Variants in PTPRD observed in about 807,000 individuals in gnomAD.
PTPRD encodes the protein receptor-type tyrosine-protein phosphatase delta.
PTPRD carries 34 observed loss-of-function variants against 214.5 expected under a neutral mutation model. The observed-to-expected ratio is 0.16, with a 90% CI of 0.12 to 0.21. PTPRD has a LOEUF of 0.21. Ranked by LOEUF, PTPRD falls within the 10% of genes least tolerant of loss-of-function variation. The pLI is 1.00. For synonymous variants in PTPRD, 1,128 were observed against 845.7 expected, an observed-to-expected ratio of 1.33 and a Z score of -5.79; for missense variants, 2,545 against 2,398.7, an observed-to-expected ratio of 1.06 and a Z score of -1.27.
chr9:8,674,456 C>CAAAA (rs57588808), intron 12 of PTPRD, among the ~76,000 whole-genome samples: 3 of 62,332 alleles, frequency 4.8e-5, no homozygotes, highest in African/African-American at 6.5e-5. Flanking sequence ...GACGCTGTCT[C>CAAAA]AAAAAAAAAA....
Position 10,299,915 on chromosome 9 carries a change from G to A in PTPRD, c.-545+41048C>T, listed in dbSNP as rs1221525798. ...CACAATCAAATATTGCCAGCCCAGT[G>A]TCATTGCTCTCATATAGAAAACTTG... On this transcript the variant is annotated intron_variant, in intron 3 of 45. Coordinates refer to ENST00000381196, the MANE Select transcript of PTPRD (RefSeq NM_002839.4). 2.0e-5 allele frequency among the ~76,000 whole-genome samples: 3 copies of A among 152,214 alleles called. No individual in the cohort carries two copies. The East Asian group carries it at 5.8e-4, about 29-fold the overall frequency.
At chr9:8,416,476 G>C (rs2093946434) in intron 35 of PTPRD, among the ~76,000 whole-genome samples, 1 of 152,150 alleles carries the variant, frequency 6.6e-6, no homozygotes, top group South Asian at 2.1e-4. Context: ...AAAAAAGAGA[G>C]TTGCAGAATA....
intron 2 of PTPRD, among the ~76,000 whole-genome samples, chr9:10,408,285 T>C (rs2098397176): frequency 6.6e-6 from 1 of 151,594 alleles, no homozygotes; most frequent in South Asian, 2.1e-4. Context: ...TAAATTCTGC[T>C]TGTCTAGGTC....
intron 5 of PTPRD, among the ~76,000 whole-genome samples, chr9:9,843,520 G>A (rs2058803957): frequency 6.6e-6 from 1 of 151,554 alleles, no homozygotes. Context: ...GGTTTTATAA[G>A]AATTATAATA....
chr9:9,967,095 T>C (rs2094758007), intron 4 of PTPRD, among the ~76,000 whole-genome samples: 1 of 152,160 alleles, frequency 6.6e-6, no homozygotes, highest in Non-Finnish European at 1.5e-5. Flanking sequence ...GTCCCTGTAG[T>C]ATAATGTTTC....
At chr9:8,754,127 A>C (rs924232769) in intron 11 of PTPRD, among the ~76,000 whole-genome samples, 1 of 151,962 alleles carries the variant, frequency 6.6e-6, no homozygotes, top group Admixed American at 6.5e-5. Context: ...CCTGGGTGAC[A>C]GAGCGAGACT....
chr9:9,178,786 G>A (rs572799350), intron 10 of PTPRD, among the ~76,000 whole-genome samples: 71 of 152,094 alleles, frequency 4.7e-4, no homozygotes, highest in Non-Finnish European at 9.3e-4. Context: ...TACTACCCTT[G>A]AATGAACAAA....
chr9:9,324,763 G>C (rs1484540334), intron 9 of PTPRD, among the ~76,000 whole-genome samples: 1 of 152,058 alleles, frequency 6.6e-6, no homozygotes, highest in East Asian at 1.9e-4. Flanking sequence ...TGAAGTCCTT[G>C]CCCATGCCTA....
intron 34 of PTPRD, among the ~76,000 whole-genome samples, chr9:8,447,061 T>C (rs966955269): frequency 2.0e-5 from 3 of 152,222 alleles, no homozygotes; most frequent in African/African-American, 7.2e-5. Context: ...ACATAGAGCT[T>C]GGATGGCAAA....
chr9:8,506,351 T>C lies in PTPRD; in HGVS notation c.1677+950A>G, dbSNP rs781585454. 6.6e-5 allele frequency among the ~76,000 whole-genome samples: 10 copies of C among 152,182 alleles called. 1 individual carries two copies. The highest frequency in any genetic ancestry group is 5.2e-4 in the Admixed American group (8 of 15,280). ...ACTCCTTTTGTCCTAATGTTCCCCA[T>C]TGGATTTAACAATAATAAAAGAAAC... On this transcript the variant is annotated intron_variant, in intron 22 of 45. Transcript: ENST00000381196.
At chr9:9,717,593 A>G (rs1021885957) in intron 7 of PTPRD, among the ~76,000 whole-genome samples, 2 of 152,234 alleles carry the variant, frequency 1.3e-5, no homozygotes, top group East Asian at 1.9e-4. Flanking sequence ...AACAGCAGAC[A>G]TGGAAGGAAT....
chr9:10,043,448 C>A (rs2097332055), intron 3 of PTPRD, among the ~76,000 whole-genome samples: 1 of 151,758 alleles, frequency 6.6e-6, no homozygotes, highest in African/African-American at 2.4e-5. Flanking sequence ...GCTATTACTC[C>A]TGGTAAAGGA....
intron 8 of PTPRD, among the ~76,000 whole-genome samples, chr9:9,571,523 T>G (rs900305921): frequency 1.3e-5 from 2 of 151,322 alleles, no homozygotes; most frequent in African/African-American, 4.8e-5. Context: ...AGCCTAATAT[T>G]CTGATATTTT....
chr9:10,143,139 G>A (rs2096175791), intron 3 of PTPRD, among the ~76,000 whole-genome samples: 1 of 152,078 alleles, frequency 6.6e-6, no homozygotes, highest in Non-Finnish European at 1.5e-5. Flanking sequence ...TGGGGGGAGG[G>A]GAGAGGGATA....
chr9:9,261,438 CATTTAGATAAATG>C (rs1283176780), intron 9 of PTPRD, among the ~76,000 whole-genome samples: 1 of 151,682 alleles, frequency 6.6e-6, no homozygotes, highest in Non-Finnish European at 1.5e-5. Flanking sequence ...TTATTAATTC[CATTTAGATAAATG>C]TATCATAATG....
chr9:8,883,734 A>AT, intron 11 of PTPRD, among the ~76,000 whole-genome samples: 1 of 152,130 alleles, frequency 6.6e-6, no homozygotes, highest in South Asian at 2.1e-4. Flanking sequence ...TTGTATTTTC[A>AT]TTTTTCAAAT....
intron 10 of PTPRD, among the ~76,000 whole-genome samples, chr9:9,020,866 C>G (rs1457621988): frequency 1.3e-5 from 2 of 152,246 alleles, no homozygotes; most frequent in African/African-American, 4.8e-5. Context: ...GATGACGTAT[C>G]TACTCGGATG....
At chr9:9,538,966 G>C (rs551549900) in intron 8 of PTPRD, among the ~76,000 whole-genome samples, 3 of 151,608 alleles carry the variant, frequency 2.0e-5, no homozygotes, top group Non-Finnish European at 4.4e-5. Flanking sequence ...CACTTTTCTA[G>C]GCTCTGATGA....
chr9:10,334,855 G>T (rs1210395397), intron 3 of PTPRD, among the ~76,000 whole-genome samples: 4 of 151,542 alleles, frequency 2.6e-5, no homozygotes, highest in African/African-American at 7.3e-5. Flanking sequence ...TAGTGCCCAA[G>T]AAAATGAAAT....
Sources: allele counts gnomAD v4.1 joint callset (sites outside exome capture counted in the v4.1 genomes callset), GRCh38; gene constraint gnomAD v4.1.1; transcripts MANE v1.5; gene names NCBI Gene and HGNC (gene_info 2026-07-23, HGNC 2026-07-21).